The following INAVA variants were observed in gnomAD, a reference collection of about 807,000 sequenced individuals.
The protein encoded by INAVA is innate immunity activator.
INAVA carries 32 observed loss-of-function variants against 55.3 expected under a neutral mutation model. That is an observed-to-expected ratio of 0.58 (90% CI 0.44 to 0.78). INAVA has a LOEUF of 0.78. Among genes scored for constraint, INAVA ranks in the 30% least tolerant of loss-of-function variants. The pLI, the probability that INAVA is intolerant of heterozygous loss-of-function variation, is 0.00. For synonymous variants in INAVA, 294 were observed against 329.4 expected, an observed-to-expected ratio of 0.89 and a Z score of 1.16; for missense variants, 756 against 786.4, an observed-to-expected ratio of 0.96 and a Z score of 0.46.
intron 9 of INAVA, among the ~76,000 whole-genome samples, chr1:200,913,166 G>A (rs1276840265): frequency 6.6e-6 from 1 of 152,160 alleles, no homozygotes; most frequent in Admixed American, 6.5e-5. Flanking sequence ...GCCCCGGTCC[G>A]AGGCCGCGCC....
intron 5 of INAVA, among the ~76,000 whole-genome samples, chr1:200,905,605 G>C (rs953924792): frequency 6.6e-6 from 1 of 152,184 alleles, no homozygotes; most frequent in Non-Finnish European, 1.5e-5. Flanking sequence ...TTTCCATAAA[G>C]AGCCAGACAG....
At chr1:200,898,078 G>C (rs1057243310) in intron 1 of INAVA, among the ~76,000 whole-genome samples, 6 of 152,162 alleles carry the variant, frequency 3.9e-5, no homozygotes, top group Non-Finnish European at 8.8e-5. Context: ...TTGGCCCAGA[G>C]GGGAGTTAGG....
intron 4 of INAVA, 108 bp downstream of exon 4, chr1:200,900,328 C>G: frequency 1.0e-6 from 1 of 971,000 alleles, no homozygotes; most frequent in Non-Finnish European, 1.6e-6. Context: ...CCCTTTCACA[C>G]CCAGTGAGGG....
At position 200,909,297 on chromosome 1, in the gene INAVA, G is replaced by A. The variant is rs1357145426; in HGVS notation, c.859G>A (p.Val287Met). 2.5e-6 allele frequency: 4 copies of A among 1,612,162 alleles called. No homozygotes were observed. The highest frequency in any genetic ancestry group is 3.4e-4 in the Middle Eastern group (2 of 5,936). Residue 287 changes from valine to methionine, a missense_variant, in exon 8 of 10, where the codon GTG (valine) becomes ATG (methionine). Physicochemically the swap from Val to Met is conservative, Grantham distance 21 (BLOSUM62 1). This residue lies in a region of INAVA where 639 missense variants were observed against 624.3 expected (regional missense o/e 1.02). Coordinates refer to ENST00000413687, the MANE Select transcript of INAVA (RefSeq NM_001142569.3). The stretch of plus-strand genomic sequence containing the variant: ...GCTTCTGGAGCCTGCCTCCTACCAC[G>A]TGGTTCCCATCCGTGGTGTTCCTGG... Reference protein sequence around the residue: ...LWLLEPASYHVVPIRGVPGQW... With the variant: ...LWLLEPASYHMVPIRGVPGQW...
intron 9 of INAVA, among the ~76,000 whole-genome samples, chr1:200,912,856 G>T (rs1250687519): frequency 6.6e-6 from 1 of 152,210 alleles, no homozygotes; most frequent in Non-Finnish European, 1.5e-5. Flanking sequence ...TGGGGCCACA[G>T]AGGCCAGGGA....
chr1:200,912,227 A>G (rs1028035317), intron 9 of INAVA, 90 bp downstream of exon 9: 3 of 1,222,592 alleles, frequency 2.5e-6, no homozygotes, highest in Non-Finnish European at 3.3e-6. Context: ...AAGGGTACAG[A>G]GGCATCAAAG....
chr1:200,895,724 G>T (rs1237562858), intron 1 of INAVA, among the ~76,000 whole-genome samples: 1 of 152,142 alleles, frequency 6.6e-6, no homozygotes, highest in African/African-American at 2.4e-5. Context: ...GTGGCTGTAC[G>T]GGTTTCCTTC....
intron 4 of INAVA, among the ~76,000 whole-genome samples, 183 bp downstream of exon 4, chr1:200,900,403 C>T (rs902495466): frequency 3.3e-5 from 5 of 152,178 alleles, no homozygotes; most frequent in Admixed American, 6.5e-5. Context: ...GGAGAAGGGG[C>T]GCCACTAAGG....
upstream of INAVA, among the ~76,000 whole-genome samples, chr1:200,893,145 C>T (rs1668269939): frequency 6.6e-6 from 1 of 152,214 alleles, no homozygotes; most frequent in African/African-American, 2.4e-5. Flanking sequence ...GTACCTGTGA[C>T]TTTGCCATTA....
chr1:200,911,391 C>T, intron 8 of INAVA, 62 bp from the exon 9 acceptor site: 1 of 1,482,940 alleles, frequency 6.7e-7, no homozygotes. Flanking sequence ...CCACCTCCCG[C>T]CCCAACCCCA....
In INAVA at chr1:200,899,836, G is replaced by A. The variant is rs572088267; in HGVS notation, c.180+239G>A. Among the ~76,000 whole-genome samples, 19 of 152,348 alleles carry A rather than the reference G, an allele frequency of 1.2e-4. No individual in the cohort carries two copies. The East Asian group carries it at 3.5e-3, about 28-fold the overall frequency. On this transcript the variant is annotated intron_variant, in intron 3 of 9. Coordinates refer to ENST00000413687, the MANE Select transcript of INAVA (RefSeq NM_001142569.3). ...AACAAAGTTCATCAGGGGCTGCAGA[G>A]GGACTGCACAGACATAAGTGCATAT...
chr1:200,899,709 G>T, intron 3 of INAVA, 112 bp downstream of exon 3: 1 of 1,464,740 alleles, frequency 6.8e-7, no homozygotes. Context: ...GGGAATTCTG[G>T]ACATCAGGCT....
intron 5 of INAVA, among the ~76,000 whole-genome samples, chr1:200,907,492 C>T (rs1163612371): frequency 1.3e-5 from 2 of 151,570 alleles, no homozygotes; most frequent in Non-Finnish European, 2.9e-5. Context: ...CTCTTCTCTA[C>T]AAAAAAAATA....
rs571146193 is a variant in INAVA, at chr1:200,906,910, C to T, written c.521-924C>T. On this transcript the variant is annotated intron_variant, in intron 5 of 9. Coordinates refer to ENST00000413687, the MANE Select transcript of INAVA (RefSeq NM_001142569.3). ...GTGTGATCACGGCTCACTGCAGCCT[C>T]GACCTCCCAGGCTCAAGTGATCTTC... Among the ~76,000 whole-genome samples the T allele has an allele frequency of 9.9e-5, 15 of 152,254 alleles. No homozygotes were observed. In the South Asian group the frequency reaches 2.7e-3, roughly 27 times the overall value.
At position 200,911,880 on chromosome 1, in the gene INAVA, G is replaced by T; in HGVS notation, c.1387G>T (p.Glu463Ter). ...CGCAGCCCCGGGCCCTGCTTACGAG[G>T]AGGAGGGCACTCCCCTGCGCTACCA... is the stretch of plus-strand genomic sequence containing the variant. ...RRAAPGPAYE[E>*]EGTPLRYQRL... The change falls in exon 9 of 10, where the codon GAG becomes TAG. Residue 463 changes from glutamate to a stop codon, truncating the protein, a stop_gained. Transcript: ENST00000413687. LOFTEE classifies it high-confidence loss of function. 6.3e-7 allele frequency: 1 copy of T among 1,588,044 alleles called. No individual in the cohort carries two copies. The highest frequency in any genetic ancestry group is 8.5e-7 in the Non-Finnish European group (1 of 1,174,210).
chr1:200,913,399 G>T (rs1653827572), intron 9 of INAVA, 138 bp from the exon 10 acceptor site: 2 of 656,986 alleles, frequency 3.0e-6, no homozygotes, highest in Non-Finnish European at 5.4e-6. Context: ...GGAAGGGGCT[G>T]AGTGCCAGGG....
chr1:200,907,980 G>A (rs963284143), intron 6 of INAVA, 93 bp downstream of exon 6: 27 of 1,057,100 alleles, frequency 2.6e-5, no homozygotes, highest in South Asian at 2.1e-4. Context: ...AATTTAAGTG[G>A]GAGTGAAGGC....
Position 200,908,726 on chromosome 1 carries a change from G to A in INAVA, c.575-4G>A. On this transcript the variant is annotated splice_polypyrimidine_tract_variant and splice_region_variant and intron_variant, in intron 6 of 9. Coordinates refer to ENST00000413687, the MANE Select transcript of INAVA (RefSeq NM_001142569.3). Reference sequence around the variant, plus strand: ...GCCTTACCAGGTTTCTTTTACTCCTGCAGAGGAATCCCAAGTGCCAAAACC... The same window carrying A: ...GCCTTACCAGGTTTCTTTTACTCCTACAGAGGAATCCCAAGTGCCAAAACC... The A allele has an allele frequency of 6.4e-7, 1 of 1,559,152 alleles. No individual in the cohort carries two copies. Among genetic ancestry groups the A allele is most frequent in the Non-Finnish European group, 8.7e-7 (1 of 1,153,934 alleles).
At chr1:200,897,147 G>A (rs1026475847) in intron 1 of INAVA, among the ~76,000 whole-genome samples, 21 of 152,206 alleles carry the variant, frequency 1.4e-4, no homozygotes, top group Middle Eastern at 3.2e-3. Context: ...GACACAATGG[G>A]ATGGCACCTG....
Sources: gnomAD v4.1 joint callset for allele counts (sites outside exome capture counted in the v4.1 genomes callset) on GRCh38, gnomAD v4.1.1 for gene constraint, gnomAD v4.1.1 regional missense constraint, MANE v1.5 for transcripts, NCBI Gene and HGNC (gene_info 2026-07-23, HGNC 2026-07-21) for gene names.